Variants in MAP7 observed in about 807,000 individuals in gnomAD.
MAP7 encodes microtubule associated protein 7, also known as ensconsin.
Under a neutral mutation model 94.8 loss-of-function variants are expected in MAP7, and 52 were observed. The ratio of observed to expected loss-of-function variants is 0.55; its 90% CI spans 0.44 to 0.69. MAP7 has a LOEUF of 0.69. Ranked by LOEUF, MAP7 falls within the 30% of genes least tolerant of loss-of-function variation. The probability of loss-of-function intolerance (pLI) is 0.00; values close to 1 mark genes in which losing one functional copy is unlikely to be tolerated. For missense variants in MAP7, 940 were observed against 964.6 expected, an observed-to-expected ratio of 0.97 and a Z score of 0.34; for synonymous variants, 350 against 357.0, an observed-to-expected ratio of 0.98 and a Z score of 0.22.
chr6:136,470,331 C>T (rs1011913732), intron 1 of MAP7, among the ~76,000 whole-genome samples: 3 of 151,822 alleles, frequency 2.0e-5, no homozygotes, highest in Non-Finnish European at 2.9e-5. Flanking sequence ...CCCCAGCTTT[C>T]TGAAGTATAA....
intron 1 of MAP7, among the ~76,000 whole-genome samples, chr6:136,422,041 G>A (rs1446223402): frequency 6.6e-6 from 1 of 152,200 alleles, no homozygotes; most frequent in East Asian, 1.9e-4. Flanking sequence ...GGGCCATGAA[G>A]GGCCTTTCCC....
chr6:136,384,916 A>G (rs1454250249), intron 5 of MAP7, among the ~76,000 whole-genome samples: 1 of 152,244 alleles, frequency 6.6e-6, no homozygotes, highest in African/African-American at 2.4e-5. Context: ...TTCCTCAAAT[A>G]ACACTGCATG....
chr6:136,516,975 CAA>C, intron 1 of MAP7, among the ~76,000 whole-genome samples: 1 of 140,212 alleles, frequency 7.1e-6, no homozygotes, highest in Non-Finnish European at 1.6e-5. Flanking sequence ...AAAACCCTTG[CAA>C]AAAAAAAAAA....
intron 3 of MAP7, among the ~76,000 whole-genome samples, chr6:136,408,782 TA>T (rs1263631204): frequency 2.0e-5 from 3 of 152,078 alleles, no homozygotes; most frequent in Admixed American, 6.5e-5. Context: ...TTTTTTCTTT[TA>T]AAAAAAATTT....
intron 3 of MAP7, among the ~76,000 whole-genome samples, chr6:136,395,373 A>G (rs947751429): frequency 3.4e-5 from 5 of 147,638 alleles, no homozygotes; most frequent in Non-Finnish European, 7.4e-5. Flanking sequence ...CTTTTGAGAA[A>G]TGCTATTCAG....
At chr6:136,517,891 C>T (rs536722891) in intron 1 of MAP7, among the ~76,000 whole-genome samples, 1 of 152,266 alleles carries the variant, frequency 6.6e-6, no homozygotes, top group African/African-American at 2.4e-5. Context: ...TCAGAGGCGA[C>T]AACTGGTTTG....
At chr6:136,409,094 G>T (rs964234403) in intron 3 of MAP7, among the ~76,000 whole-genome samples, 1 of 151,710 alleles carries the variant, frequency 6.6e-6, no homozygotes, top group African/African-American at 2.4e-5. Flanking sequence ...GAAATGTAAA[G>T]AAAATAAAAT....
intron 1 of MAP7, among the ~76,000 whole-genome samples, chr6:136,448,762 G>C (rs1054110855): frequency 4.6e-5 from 7 of 151,968 alleles, no homozygotes; most frequent in Admixed American, 1.3e-4. Flanking sequence ...TGGAATTATA[G>C]CAATGCCTGA....
At chr6:136,365,404 G>T (rs1351636353) in intron 10 of MAP7, among the ~76,000 whole-genome samples, 1 of 152,134 alleles carries the variant, frequency 6.6e-6, no homozygotes, top group Non-Finnish European at 1.5e-5. Context: ...AGTAGCATCT[G>T]GTTACCCTGG....
intron 1 of MAP7, among the ~76,000 whole-genome samples, chr6:136,548,167 T>C (rs1320760527): frequency 7.1e-6 from 1 of 140,902 alleles, no homozygotes; most frequent in Non-Finnish European, 1.5e-5. Context: ...TTGCAGTATT[T>C]GGATGTGTAT....
chr6:136,438,860 T>G (rs552831533), intron 1 of MAP7, among the ~76,000 whole-genome samples: 29 of 152,192 alleles, frequency 1.9e-4, no homozygotes, highest in Non-Finnish European at 3.8e-4. Flanking sequence ...CCCAGCTTAA[T>G]TAAAAGGTAT....
rs889337293 is a variant in MAP7, at chr6:136,366,710, A to C, written c.877-271T>G. Among the ~76,000 whole-genome samples the C allele has an allele frequency of 2.0e-5, 3 of 152,224 alleles. No homozygotes were observed. The South Asian group carries it at 6.2e-4, about 31-fold the overall frequency. ...GCATATGTGTGTACATACTTTTAGA[A>C]AGCACCTATACTTTGTGTCTAAAAT... On this transcript the variant is annotated intron_variant, in intron 8 of 17. Coordinates refer to ENST00000354570, the MANE Select transcript of MAP7 (RefSeq NM_003980.6).
intron 1 of MAP7, among the ~76,000 whole-genome samples, chr6:136,496,960 A>T (rs1818434069): frequency 6.6e-6 from 1 of 151,882 alleles, no homozygotes; most frequent in Non-Finnish European, 1.5e-5. Flanking sequence ...TCTCAAAAAA[A>T]AAAATAAATG....
chr6:136,500,594 A>G (rs1819553633), intron 1 of MAP7, among the ~76,000 whole-genome samples: 1 of 152,208 alleles, frequency 6.6e-6, no homozygotes, highest in Non-Finnish European at 1.5e-5. Context: ...ATCGTCCTCT[A>G]AACGTAGGAA....
At chr6:136,403,516 C>T (rs1784749354) in intron 3 of MAP7, among the ~76,000 whole-genome samples, 1 of 152,176 alleles carries the variant, frequency 6.6e-6, no homozygotes, top group Non-Finnish European at 1.5e-5. Flanking sequence ...TGCTAAAAGG[C>T]ATGAATTGGA....
intron 1 of MAP7, among the ~76,000 whole-genome samples, chr6:136,422,804 ATTTCTAAAG>A (rs1277851690): frequency 6.6e-6 from 1 of 152,170 alleles, no homozygotes; most frequent in Non-Finnish European, 1.5e-5. Flanking sequence ...GGTTGGATGT[ATTTCTAAAG>A]TTTTCAGGCC....
chr6:136,385,735 AC>A (rs1206443902), intron 5 of MAP7, among the ~76,000 whole-genome samples: 1 of 152,202 alleles, frequency 6.6e-6, no homozygotes, highest in Non-Finnish European at 1.5e-5. Flanking sequence ...TTCTCACCGA[AC>A]AAAACACACA....
At chr6:136,544,962 C>T (rs1350356326) in intron 1 of MAP7, among the ~76,000 whole-genome samples, 1 of 152,172 alleles carries the variant, frequency 6.6e-6, no homozygotes, top group Non-Finnish European at 1.5e-5. Flanking sequence ...AACAGGTCCT[C>T]CTCATGAATA....
At position 136,432,256 on chromosome 6, in the gene MAP7, T is replaced by C. The variant is rs146210371; in HGVS notation, c.68-10457A>G. ...CCTACTGGCTACAGAATAAAGTCCA[T>C]GCATCTTAGCCTTCCAAATGTCTTA... is the stretch of plus-strand genomic sequence containing the variant. On this transcript the variant is annotated intron_variant, in intron 1 of 17. Transcript: ENST00000354570. Among the ~76,000 whole-genome samples, 417 of 152,344 alleles carry C rather than the reference T, an allele frequency of 2.7e-3. 2 individuals are homozygous for C. The highest frequency in any genetic ancestry group is 9.2e-3 in the African/African-American group (382 of 41,574).
Sources: gnomAD v4.1 joint callset for allele counts (sites outside exome capture counted in the v4.1 genomes callset) on GRCh38, gnomAD v4.1.1 for gene constraint, MANE v1.5 for transcripts, NCBI Gene and HGNC (gene_info 2026-07-23, HGNC 2026-07-21) for gene names.